The following NMNAT1 variants were observed in gnomAD, a reference collection of about 807,000 sequenced individuals.
NMNAT1 encodes the protein nicotinamide/nicotinic acid mononucleotide adenylyltransferase 1.
Under a neutral mutation model 16.7 loss-of-function variants are expected in NMNAT1, and 11 were observed. The observed-to-expected ratio is 0.66, with a 90% CI of 0.41 to 1.09. The LOEUF is 1.09. NMNAT1 is among the 50% of genes least tolerant of loss of function. The probability of loss-of-function intolerance (pLI) is 0.00; values close to 1 mark genes in which losing one functional copy is unlikely to be tolerated. For synonymous variants in NMNAT1, 110 were observed against 119.8 expected, an observed-to-expected ratio of 0.92 and a Z score of 0.53; for missense variants, 280 against 332.3, an observed-to-expected ratio of 0.84 and a Z score of 1.22.
intron 1 of NMNAT1, among the ~76,000 whole-genome samples, chr1:9,969,290 G>A (rs2101687316): frequency 6.6e-6 from 1 of 152,186 alleles, no homozygotes; most frequent in Non-Finnish European, 1.5e-5. Context: ...ATAATCTGTT[G>A]GGGAAATGAG....
At chr1:9,964,074 T>C (rs951908361) in intron 1 of NMNAT1, among the ~76,000 whole-genome samples, 32 of 150,914 alleles carry the variant, frequency 2.1e-4, no homozygotes, top group African/African-American at 7.5e-4. Context: ...ATACTTTTGG[T>C]AGGGATGGGA....
At chr1:9,952,024 G>C (rs1641125665) in intron 1 of NMNAT1, among the ~76,000 whole-genome samples, 1 of 151,970 alleles carries the variant, frequency 6.6e-6, no homozygotes, top group Non-Finnish European at 1.5e-5. Flanking sequence ...GAAATTCTTT[G>C]TTTATGGCTC....
intron 1 of NMNAT1, among the ~76,000 whole-genome samples, chr1:9,962,057 C>T (rs1004193190): frequency 1.2e-4 from 18 of 151,968 alleles, no homozygotes; most frequent in African/African-American, 3.6e-4. Flanking sequence ...CATGACCTAC[C>T]GCGCCCGGAC....
downstream of NMNAT1, among the ~76,000 whole-genome samples, chr1:9,989,077 GC>G (rs1642079106): frequency 6.6e-6 from 1 of 152,096 alleles, no homozygotes; most frequent in Non-Finnish European, 1.5e-5. Flanking sequence ...TGATACTATG[GC>G]CCAAAGTGAG....
chr1:9,967,573 G>A, intron 1 of NMNAT1: 1 of 152,114 alleles, frequency 6.6e-6, no homozygotes, highest in Non-Finnish European at 1.5e-5. Flanking sequence ...CTGGATAAGA[G>A]GAGGAGAGTT....
intron 1 of NMNAT1, among the ~76,000 whole-genome samples, chr1:9,945,515 A>G (rs188699368): frequency 2.8e-4 from 42 of 152,218 alleles, no homozygotes; most frequent in African/African-American, 8.7e-4. Flanking sequence ...CCTGGCCCCT[A>G]TGGTGAAACC....
At chr1:9,943,039 G>A (rs1640839329), upstream of NMNAT1, 10 of 296,240 alleles carry the variant, frequency 3.4e-5, no homozygotes, top group Non-Finnish European at 6.9e-5. Flanking sequence ...AGGGCGGAGA[G>A]CACGCCTCTT....
At chr1:9,986,594 A>G (rs1224985374), downstream of NMNAT1, among the ~76,000 whole-genome samples, 1 of 152,152 alleles carries the variant, frequency 6.6e-6, no homozygotes, top group Non-Finnish European at 1.5e-5. Flanking sequence ...AACAAAAAAC[A>G]TGTACTGGCT....
At chr1:9,991,937 C>T in the NMNAT1 span, among the ~76,000 whole-genome samples, 4 of 151,866 alleles carry the variant, frequency 2.6e-5, no homozygotes, top group Non-Finnish European at 2.9e-5. Context: ...CAGTGCCTCA[C>T]GCCTGTAATC....
At chr1:9,994,424 TTTA>T in the NMNAT1 span, among the ~76,000 whole-genome samples, 1 of 151,206 alleles carries the variant, frequency 6.6e-6, no homozygotes, top group Admixed American at 6.6e-5. Context: ...AATGTTAGCT[TTTA>T]TTTTTTATTT....
intron 1 of NMNAT1, among the ~76,000 whole-genome samples, chr1:9,957,263 A>T (rs1196751141): frequency 6.6e-6 from 1 of 152,096 alleles, no homozygotes; most frequent in Non-Finnish European, 1.5e-5. Flanking sequence ...TCCCAACCTC[A>T]GGTGATCCGC....
At chr1:9,944,364 A>G (rs1049958174) in intron 1 of NMNAT1, among the ~76,000 whole-genome samples, 7 of 152,314 alleles carry the variant, frequency 4.6e-5, no homozygotes, top group South Asian at 4.1e-4. Context: ...GCTGGGCAAC[A>G]TAGCAAGACC....
chr1:9,949,150 A>G lies in NMNAT1; in HGVS notation c.-57+5635A>G, dbSNP rs573867883. 1.6e-3 allele frequency among the ~76,000 whole-genome samples: 242 copies of G among 151,146 alleles called. 1 individual carries two copies. Among genetic ancestry groups the G allele is most frequent in the African/African-American group, 5.5e-3 (229 of 41,348 alleles). On this transcript the variant is annotated intron_variant, in intron 1 of 4. Coordinates refer to ENST00000377205, the MANE Select transcript of NMNAT1 (RefSeq NM_022787.4). Reference sequence around the variant, plus strand: ...CCGGGCATGGTGGCAGGCACCTGTAATCCCAGCTACGTGGGAGGCTGAGGC... The same window carrying G: ...CCGGGCATGGTGGCAGGCACCTGTAGTCCCAGCTACGTGGGAGGCTGAGGC...
chr1:9,994,889 G>C, the NMNAT1 span, among the ~76,000 whole-genome samples: 242 of 152,264 alleles, frequency 1.6e-3, 1 homozygote, highest in African/African-American at 5.6e-3. Flanking sequence ...TGGGATTACA[G>C]GCTTGAGCCA....
intron 1 of NMNAT1, chr1:9,949,920 C>T (rs1641069253): frequency 6.6e-6 from 1 of 152,118 alleles, no homozygotes; most frequent in African/African-American, 2.4e-5. Context: ...TGCCACTTAA[C>T]TTCATTGAAC....
chr1:9,951,752 G>A (rs572704407), intron 1 of NMNAT1, among the ~76,000 whole-genome samples: 2 of 152,298 alleles, frequency 1.3e-5, no homozygotes, highest in South Asian at 4.1e-4. Context: ...TGGGATTAGA[G>A]GCGTGAGCCA....
chr1:9,992,906 G>C, the NMNAT1 span, among the ~76,000 whole-genome samples: 1 of 151,086 alleles, frequency 6.6e-6, no homozygotes, highest in Non-Finnish European at 1.5e-5. Flanking sequence ...AGCGAGACTT[G>C]GTCTCAAAAA....
At chr1:9,961,724 A>G (rs1345926052) in intron 1 of NMNAT1, among the ~76,000 whole-genome samples, 1 of 152,118 alleles carries the variant, frequency 6.6e-6, no homozygotes, top group African/African-American at 2.4e-5. Context: ...AACAGTTAGC[A>G]GTGTCCCTGT....
In NMNAT1 at chr1:9,975,643, A is replaced by C. The variant is rs776917562; in HGVS notation, c.167A>C (p.Lys56Thr). 6.8e-6 allele frequency: 11 copies of C among 1,613,952 alleles called. No individual in the cohort carries two copies. In the South Asian group the frequency reaches 9.9e-5, roughly 14 times the overall value. The part of the protein sequence containing the change: ...GIISPVGDAY[K>T]KKGLIPAYHR... ...ATCTCTCCTGTTGGTGATGCCTACA[A>C]GAAGAAAGGACTCATTCCTGCCTAT... The change falls in exon 3 of 5, where the codon AAG becomes ACG. Residue 56 changes from lysine to threonine, a missense_variant. Lys to Thr is a moderately conservative substitution (Grantham distance 78). Coordinates refer to ENST00000377205, the MANE Select transcript of NMNAT1 (RefSeq NM_022787.4).
Sources: allele counts gnomAD v4.1 joint callset (sites outside exome capture counted in the v4.1 genomes callset), GRCh38; gene constraint gnomAD v4.1.1; transcripts MANE v1.5; gene names NCBI Gene and HGNC (gene_info 2026-07-23, HGNC 2026-07-21).